ZCCHC7: variants seen among roughly 807,000 people sequenced by gnomAD.
The protein encoded by ZCCHC7 is zinc finger CCHC domain-containing protein 7.
Under a neutral mutation model 52.0 loss-of-function variants are expected in ZCCHC7, and 35 were observed. The observed-to-expected ratio is 0.67, with a 90% CI of 0.51 to 0.89. ZCCHC7 has a LOEUF of 0.89. ZCCHC7 is among the 40% of genes least tolerant of loss of function. The probability of loss-of-function intolerance (pLI) is 0.00; values close to 1 mark genes in which losing one functional copy is unlikely to be tolerated. For synonymous variants in ZCCHC7, 217 were observed against 221.5 expected (o/e 0.98, Z 0.18); for missense variants, 574 against 649.1 (o/e 0.88, Z 1.26).
At chr9:37,348,249 A>T (rs757005980) in intron 6 of ZCCHC7, among the ~76,000 whole-genome samples, 1 of 152,064 alleles carries the variant, frequency 6.6e-6, no homozygotes, top group Non-Finnish European at 1.5e-5. Flanking sequence ...CTTTTTCTGA[A>T]TCAATCCTTG....
At chr9:37,231,220 A>G (rs982107174) in intron 2 of ZCCHC7, among the ~76,000 whole-genome samples, 9 of 152,220 alleles carry the variant, frequency 5.9e-5, no homozygotes, top group Non-Finnish European at 1.3e-4. Context: ...TATTGAGATT[A>G]CAGGCATGAG....
In ZCCHC7 at chr9:37,354,629, A is replaced by G; in HGVS notation, c.1084-81A>G. On this transcript the variant is annotated intron_variant, in intron 7 of 8. Transcript: ENST00000336755. The surrounding 1 kb of genome is among the most constrained non-coding windows in gnomAD (Gnocchi z 4.0). ...ACCAGTGACATGGGGCTCATTTCTA[A>G]TTAACATGCTCCAGAATCTTGCAAA... 1.0e-6 allele frequency: 1 copy of G among 991,636 alleles called. No individual in the cohort carries two copies. The highest frequency in any genetic ancestry group is 1.5e-6 in the Non-Finnish European group (1 of 648,232). The allele number at this position is 991,636 out of a possible 1,614,324, so 61.4% of individuals were successfully genotyped here.
intron 5 of ZCCHC7, among the ~76,000 whole-genome samples, chr9:37,322,084 A>G (rs952847885): frequency 2.0e-5 from 3 of 152,198 alleles, no homozygotes; most frequent in Admixed American, 6.5e-5. Flanking sequence ...GCTGAAAGTT[A>G]TGAAGACAGG....
chr9:37,141,128 A>C (rs1843204976), intron 2 of ZCCHC7, among the ~76,000 whole-genome samples: 1 of 151,972 alleles, frequency 6.6e-6, no homozygotes, highest in Non-Finnish European at 1.5e-5. Flanking sequence ...TTATCCATAC[A>C]GATTCTCTGC....
chr9:37,143,865 A>G (rs1843329213), intron 2 of ZCCHC7, among the ~76,000 whole-genome samples: 1 of 151,838 alleles, frequency 6.6e-6, no homozygotes, highest in Non-Finnish European at 1.5e-5. Flanking sequence ...GATTTTATTA[A>G]TATGTAAACT....
chr9:37,357,500 AAT>A lies in ZCCHC7; in HGVS notation c.*235_*236del, dbSNP rs1327512606. On this transcript the variant is annotated 3_prime_UTR_variant, in exon 9 of 9. Transcript: ENST00000336755. The stretch of plus-strand genomic sequence containing the variant: ...GATAAACCTGGACTTCTCCTATTCC[AAT>A]ATGTCATCTTTACTCAGAATCCTAG... 1 of 320,966 alleles carries A rather than the reference AAT, an allele frequency of 3.1e-6. No homozygotes were observed. The highest frequency in any genetic ancestry group is 2.1e-5 in the African/African-American group (1 of 46,846). The allele number at this position is 320,966 out of a possible 1,614,324, so 19.9% of individuals were successfully genotyped here. A position where few individuals can be genotyped will look rare whatever the true frequency, so the allele number is the denominator to read the frequency against.
chr9:37,306,392 A>G (rs1004531615), intron 5 of ZCCHC7, among the ~76,000 whole-genome samples: 3 of 151,088 alleles, frequency 2.0e-5, no homozygotes, highest in African/African-American at 4.9e-5. Flanking sequence ...TTAAATGAAA[A>G]TATATGCACA....
In ZCCHC7 at chr9:37,356,820, T is replaced by A. The variant is rs1821729113; in HGVS notation, c.1199-15T>A. 6.4e-7 allele frequency: 1 copy of A among 1,569,548 alleles called. No homozygotes were observed. The highest frequency in any genetic ancestry group is 8.6e-7 in the Non-Finnish European group (1 of 1,164,794). ...TTAGCTGCTGAATATGCAAAAATAC[T>A]TTTATATTTTTCAGTACTCAAGAAA... On this transcript the variant is annotated splice_polypyrimidine_tract_variant and intron_variant, in intron 8 of 8. Coordinates refer to ENST00000336755, the MANE Select transcript of ZCCHC7 (RefSeq NM_032226.3).
chr9:37,345,466 GCCTGTAATC>G (rs1820899856), intron 6 of ZCCHC7, among the ~76,000 whole-genome samples: 1 of 152,224 alleles, frequency 6.6e-6, no homozygotes, highest in African/African-American at 2.4e-5. Flanking sequence ...GGTGGCTCAT[GCCTGTAATC>G]CCAGCATTTG....
rs749794747 is a variant in ZCCHC7, at chr9:37,126,739, A to T, written c.407A>T (p.Asp136Val). Residue 136 changes from aspartate to valine, a missense_variant, in exon 2 of 9, where the codon GAT becomes GTT. Asp to Val is a radical substitution (Grantham distance 152). Coordinates refer to ENST00000336755, the MANE Select transcript of ZCCHC7 (RefSeq NM_032226.3). ...NELVDKKCKS[D>V]IEKPKSEERS... ...CTGGTTGATAAGAAATGCAAGAGTGATATTGAGAAGCCTAAATCTGAAGAG... is the reference window on the plus strand; with the variant it reads ...CTGGTTGATAAGAAATGCAAGAGTGTTATTGAGAAGCCTAAATCTGAAGAG... 3.1e-6 allele frequency: 5 copies of T among 1,614,056 alleles called. No homozygotes were observed. Among genetic ancestry groups the T allele is most frequent in the Non-Finnish European group, 4.2e-6 (5 of 1,180,038 alleles).
chr9:37,313,413 A>T (rs1829679343), intron 5 of ZCCHC7, among the ~76,000 whole-genome samples: 1 of 152,240 alleles, frequency 6.6e-6, no homozygotes, highest in Admixed American at 6.5e-5. Context: ...GTAAATCCCA[A>T]AATCAGGAAT....
chr9:37,181,140 T>C (rs948706791), intron 2 of ZCCHC7, among the ~76,000 whole-genome samples: 1 of 152,208 alleles, frequency 6.6e-6, no homozygotes, highest in Non-Finnish European at 1.5e-5. Flanking sequence ...ATCAGCTCAG[T>C]GTAAGAAACT....
chr9:37,293,652 C>CT, intron 2 of ZCCHC7, among the ~76,000 whole-genome samples: 1 of 152,202 alleles, frequency 6.6e-6, no homozygotes, highest in Non-Finnish European at 1.5e-5. Flanking sequence ...GTTATATTGA[C>CT]TGTTTCTGTT....
At chr9:37,278,692 A>T (rs1245679479) in intron 2 of ZCCHC7, among the ~76,000 whole-genome samples, 1 of 152,214 alleles carries the variant, frequency 6.6e-6, no homozygotes, top group Non-Finnish European at 1.5e-5. Flanking sequence ...TAAAAATCTT[A>T]TAAATAGTAA....
chr9:37,169,257 T>A (rs1821598042), intron 2 of ZCCHC7, among the ~76,000 whole-genome samples: 1 of 152,236 alleles, frequency 6.6e-6, no homozygotes. Flanking sequence ...TGATGTCAGT[T>A]CAAGGGAAGC....
chr9:37,184,701 T>G (rs1405264486), intron 2 of ZCCHC7, among the ~76,000 whole-genome samples: 1 of 151,948 alleles, frequency 6.6e-6, no homozygotes, highest in African/African-American at 2.4e-5. Flanking sequence ...TTGTTGTTGT[T>G]GTTGTTGTTG....
intron 2 of ZCCHC7, among the ~76,000 whole-genome samples, chr9:37,210,864 A>G (rs944868956): frequency 2.0e-5 from 3 of 152,180 alleles, no homozygotes; most frequent in African/African-American, 7.2e-5. Flanking sequence ...TCTATAACTA[A>G]AAGAGGTTTG....
intron 2 of ZCCHC7, among the ~76,000 whole-genome samples, chr9:37,160,918 C>G (rs1192635482): frequency 6.6e-6 from 1 of 151,922 alleles, no homozygotes; most frequent in African/African-American, 2.4e-5. Context: ...TGTTCTTAAT[C>G]TCTACCACAG....
At chr9:37,313,442 G>GT (rs1401897168) in intron 5 of ZCCHC7, among the ~76,000 whole-genome samples, 1 of 152,174 alleles carries the variant, frequency 6.6e-6, no homozygotes, top group African/African-American at 2.4e-5. Flanking sequence ...TATTGGAACT[G>GT]TTACCAAGCC....
Sources: gnomAD v4.1 joint callset for allele counts (sites outside exome capture counted in the v4.1 genomes callset) on GRCh38, gnomAD v4.1.1 for gene constraint, Gnocchi (gnomAD v3.1) non-coding constraint, MANE v1.5 for transcripts, NCBI Gene and HGNC (gene_info 2026-07-23, HGNC 2026-07-21) for gene names.